Variants in FOXN3 observed in about 807,000 individuals in gnomAD.
FOXN3 encodes the protein forkhead box protein N3.
Under a neutral mutation model 38.4 loss-of-function variants are expected in FOXN3, and 7 were observed. The observed-to-expected ratio is 0.18, with a 90% confidence interval of 0.10 to 0.34. The LOEUF is 0.34. Ranked by LOEUF, FOXN3 falls within the 10% of genes least tolerant of loss-of-function variation. The probability of loss-of-function intolerance (pLI) is 1.00; values close to 1 mark genes in which losing one functional copy is unlikely to be tolerated. For missense variants in FOXN3, 456 were observed against 613.4 expected, an observed-to-expected ratio of 0.74 and a Z score of 2.71; for synonymous variants, 230 against 242.2, an observed-to-expected ratio of 0.95 and a Z score of 0.47.
chr14:89,315,343 C>T (rs562949844), intron 3 of FOXN3, among the ~76,000 whole-genome samples: 1 of 152,270 alleles, frequency 6.6e-6, no homozygotes, highest in South Asian at 2.1e-4. Flanking sequence ...TTAACGTCGG[C>T]ATAACCCTGA....
intron 4 of FOXN3, among the ~76,000 whole-genome samples, chr14:89,239,836 A>G (rs1885091331): frequency 6.6e-6 from 1 of 152,222 alleles, no homozygotes; most frequent in African/African-American, 2.4e-5. Flanking sequence ...TTGCAACACC[A>G]GTCTTATGAT....
chr14:89,240,288 A>T (rs1885102398), intron 4 of FOXN3, among the ~76,000 whole-genome samples: 1 of 152,246 alleles, frequency 6.6e-6, no homozygotes, highest in Admixed American at 6.5e-5. Context: ...GGAAAAAAAA[A>T]AAATGAGCAT....
chr14:89,200,856 G>C (rs996754506), intron 4 of FOXN3, among the ~76,000 whole-genome samples: 1 of 152,108 alleles, frequency 6.6e-6, no homozygotes, highest in Non-Finnish European at 1.5e-5. Context: ...TCTTTGACCA[G>C]TTGATCAAAA....
In FOXN3 at chr14:89,412,242, A is replaced by T. The variant is rs1355540348; in HGVS notation, c.235T>A (p.Ser79Thr). 1 of 1,613,406 alleles carries T rather than the reference A, an allele frequency of 6.2e-7. No homozygotes were observed. The highest frequency in any genetic ancestry group is 1.3e-5 in the African/African-American group (1 of 74,642). The change falls in exon 2 of 6, where the codon TCG becomes ACG. Residue 79 changes from serine to threonine, a missense_variant. This residue lies in a region of FOXN3 where 11 missense variants were observed against 39.2 expected (regional missense o/e 0.28). Coordinates refer to ENST00000557258, the MANE Select transcript of FOXN3 (RefSeq NM_005197.4). The surrounding 1 kb of genome is among the most constrained non-coding windows in gnomAD (Gnocchi z 4.7). ...SKNLLKSFGESVLRSVSPVQD... is the reference protein window; with the variant it reads ...SKNLLKSFGETVLRSVSPVQD... ...ACGGGGCTGACACTCCTGAGGACCG[A>T]CTCCCCAAAGCTCTTCAGCAAGTTC...
intron 1 of FOXN3, among the ~76,000 whole-genome samples, chr14:89,453,033 T>C (rs1944880184): frequency 1.3e-5 from 2 of 152,028 alleles, no homozygotes; most frequent in South Asian, 4.2e-4. Context: ...ACTCCGTCCC[T>C]ATTAAAAATA....
At position 89,417,207 on chromosome 14, in the gene FOXN3, C is replaced by T. The variant is rs1891767940; in HGVS notation, c.-351G>A. 1.4e-5 allele frequency: 2 copies of T among 146,348 alleles called. No homozygotes were observed. 9.1% of individuals were successfully genotyped at this position (146,348 alleles called of 1,614,324 possible). Reference sequence around the variant, plus strand: ...GCGCCGAGCGGCGAGAAATTGTTTCCACTGCAAACAAAAAAAGGCGACACA... The same window carrying T: ...GCGCCGAGCGGCGAGAAATTGTTTCTACTGCAAACAAAAAAAGGCGACACA... On this transcript the variant is annotated 5_prime_UTR_variant, in exon 1 of 6. Coordinates refer to ENST00000557258, the MANE Select transcript of FOXN3 (RefSeq NM_005197.4).
intron 3 of FOXN3, among the ~76,000 whole-genome samples, chr14:89,333,966 G>GTGTATATATATATATA (rs1490383212): frequency 2.3e-5 from 3 of 131,572 alleles, no homozygotes; most frequent in African/African-American, 8.8e-5. Context: ...AATGTGGTGT[G>GTGTATATATATATATA]TATATATATA....
Position 89,603,397 on chromosome 14 carries a change from C to T in FOXN3, c.-15+15631G>A, listed in dbSNP as rs114943921. ...CACCATTTTGGTTTTGTTAAAGAAG[C>T]TAGCATTACCTCAACTAATATGTTG... On this transcript the variant is annotated intron_variant, in intron 1 of 6. Transcript: ENST00000345097. 5.7e-3 allele frequency among the ~76,000 whole-genome samples: 863 copies of T among 152,244 alleles called. 3 individuals are homozygous for T. Among genetic ancestry groups the T allele is most frequent in the African/African-American group, 0.02 (811 of 41,532 alleles).
chr14:89,584,086 T>C (rs1431812812), intron 1 of FOXN3, among the ~76,000 whole-genome samples: 2 of 149,516 alleles, frequency 1.3e-5, no homozygotes, highest in Non-Finnish European at 3.0e-5. Context: ...TCTTGAACTC[T>C]TTACTCAAGG....
chr14:89,219,603 G>A (rs1390009755), intron 4 of FOXN3, among the ~76,000 whole-genome samples: 1 of 152,168 alleles, frequency 6.6e-6, no homozygotes, highest in East Asian at 1.9e-4. Flanking sequence ...GTGGATGGCT[G>A]CGACTCTTAC....
At chr14:89,324,547 C>G (rs981259978) in intron 3 of FOXN3, among the ~76,000 whole-genome samples, 8 of 151,700 alleles carry the variant, frequency 5.3e-5, no homozygotes, top group African/African-American at 9.7e-5. Context: ...GAGAAAATAA[C>G]AGCAGAGCTA....
chr14:89,199,935 A>T (rs187049062), intron 4 of FOXN3, among the ~76,000 whole-genome samples: 3,289 of 152,208 alleles, frequency 0.022, 121 homozygotes, highest in African/African-American at 0.075. Context: ...CAACAAAAAC[A>T]ACAACAAAAA....
chr14:89,609,778 G>T (rs986997044), intron 1 of FOXN3, among the ~76,000 whole-genome samples: 23 of 152,066 alleles, frequency 1.5e-4, no homozygotes, highest in African/African-American at 5.3e-4. Context: ...GTCACTCGTA[G>T]TTTTTTTTGG....
At position 89,459,864 on chromosome 14, in the gene FOXN3, T is replaced by C. The variant is rs998741911; in HGVS notation, c.-14-47374A>G. Among the ~76,000 whole-genome samples, 4 of 152,042 alleles carry C rather than the reference T, an allele frequency of 2.6e-5. No homozygotes were observed. The East Asian group carries it at 7.7e-4, about 29-fold the overall frequency. On this transcript the variant is annotated intron_variant, in intron 1 of 6. Transcript: ENST00000345097. ...CCTACAATGGGTGCCCAAGGCCAGA[T>C]GAACAACTCAAAGAGGACTGTGAGG... is the stretch of plus-strand genomic sequence containing the variant.
chr14:89,415,884 C>CACACACACACACACACACA (rs1566647933), intron 1 of FOXN3, among the ~76,000 whole-genome samples: 4 of 93,302 alleles, frequency 4.3e-5, no homozygotes, highest in African/African-American at 5.4e-5. Flanking sequence ...ACACACACAC[C>CACACACACACACACACACA]CTCTTTTGTT....
intron 1 of FOXN3, among the ~76,000 whole-genome samples, chr14:89,442,785 C>G (rs115436718): frequency 2.0e-3 from 301 of 150,628 alleles, no homozygotes; most frequent in African/African-American, 7.1e-3. Flanking sequence ...ACCAGCCAGT[C>G]TTTCCCAGCC....
intron 2 of FOXN3, among the ~76,000 whole-genome samples, chr14:89,366,067 T>C (rs760010867): frequency 2.8e-4 from 43 of 152,022 alleles, no homozygotes; most frequent in Non-Finnish European, 5.9e-4. Context: ...CTGGCTAACA[T>C]GGTGAAACCC....
At chr14:89,214,353 T>C (rs193095791) in intron 4 of FOXN3, among the ~76,000 whole-genome samples, 209 of 152,350 alleles carry the variant, frequency 1.4e-3, no homozygotes, top group African/African-American at 4.9e-3. Flanking sequence ...ACCGTGCGGA[T>C]GACTGCACTC....
intron 4 of FOXN3, among the ~76,000 whole-genome samples, chr14:89,192,262 T>C (rs1272125956): frequency 5.5e-5 from 8 of 146,396 alleles, no homozygotes; most frequent in Non-Finnish European, 1.2e-4. Flanking sequence ...TATATAACAG[T>C]ATATATTAAG....
Sources: allele counts gnomAD v4.1 joint callset (sites outside exome capture counted in the v4.1 genomes callset), GRCh38; gene constraint gnomAD v4.1.1; regional missense constraint gnomAD v4.1.1; non-coding constraint Gnocchi (gnomAD v3.1); transcripts MANE v1.5; gene names NCBI Gene and HGNC (gene_info 2026-07-23, HGNC 2026-07-21).